ALK: variants seen among roughly 807,000 people sequenced by gnomAD.
The protein encoded by ALK is ALK tyrosine kinase receptor.
In ALK, 74 loss-of-function variants were observed where a neutral mutation model predicts 163.1. The observed-to-expected ratio is 0.45, with a 90% CI of 0.38 to 0.55. The LOEUF is 0.55. Among genes scored for constraint, ALK ranks in the 20% least tolerant of loss-of-function variants. ALK has a pLI of 0.00. For synonymous variants in ALK, 960 were observed against 843.2 expected (o/e 1.14, Z -2.40); for missense variants, 2,063 against 2,105.3 (o/e 0.98, Z 0.39).
chr2:29,311,806 G>C (rs1484748523), intron 8 of ALK, among the ~76,000 whole-genome samples: 2 of 152,260 alleles, frequency 1.3e-5, no homozygotes, highest in African/African-American at 4.8e-5. Context: ...GGATGGGGGC[G>C]ATGTGGGGGA....
intron 5 of ALK, among the ~76,000 whole-genome samples, chr2:29,336,038 A>C (rs184736925): frequency 3.3e-5 from 5 of 152,266 alleles, no homozygotes; most frequent in Admixed American, 2.6e-4. Context: ...GACTGTCTCA[A>C]AAAACAAACA....
At chr2:29,867,912 G>A (rs552758816) in intron 1 of ALK, among the ~76,000 whole-genome samples, 58 of 152,192 alleles carry the variant, frequency 3.8e-4, no homozygotes, top group Non-Finnish European at 7.1e-4. Flanking sequence ...GGGGATGGGA[G>A]GAGTGGGCAG....
intron 3 of ALK, among the ~76,000 whole-genome samples, chr2:29,659,608 C>G (rs1375043776): frequency 6.6e-6 from 1 of 152,102 alleles, no homozygotes; most frequent in Non-Finnish European, 1.5e-5. Context: ...AGGGCTGGGG[C>G]TGGACCAAAG....
intron 11 of ALK, among the ~76,000 whole-genome samples, chr2:29,272,691 G>GA (rs1665423747): frequency 1.3e-5 from 2 of 152,232 alleles, no homozygotes; most frequent in Non-Finnish European, 2.9e-5. Context: ...ACTTTGGAAA[G>GA]AAAAATCTTA....
chr2:29,800,547 C>G (rs181095693), intron 1 of ALK, among the ~76,000 whole-genome samples: 1 of 152,134 alleles, frequency 6.6e-6, no homozygotes, highest in East Asian at 1.9e-4. Context: ...CTCCTTACAA[C>G]CCCCTGCAGC....
At chr2:29,768,742 T>TGTGTGC (rs1680933877) in intron 1 of ALK, among the ~76,000 whole-genome samples, 1 of 140,622 alleles carries the variant, frequency 7.1e-6, no homozygotes, top group Admixed American at 7.4e-5. Context: ...TGTGTGTGTG[T>TGTGTGC]GTATATATGT....
At chr2:29,225,719 G>T (rs1663961574) in intron 18 of ALK, among the ~76,000 whole-genome samples, 154 bp from the exon 19 acceptor site, 1 of 152,182 alleles carries the variant, frequency 6.6e-6, no homozygotes, top group Non-Finnish European at 1.5e-5. Context: ...AGGGGACCAT[G>T]AGCAGGACCA....
intron 5 of ALK, among the ~76,000 whole-genome samples, chr2:29,346,165 C>G (rs1310245130): frequency 6.6e-6 from 1 of 152,208 alleles, no homozygotes; most frequent in Non-Finnish European, 1.5e-5. Context: ...CACCCTGTTT[C>G]TATTCCAATA....
chr2:29,366,808 G>A (rs372111712), intron 5 of ALK, among the ~76,000 whole-genome samples: 1 of 152,250 alleles, frequency 6.6e-6, no homozygotes, highest in African/African-American at 2.4e-5. Context: ...CCAAGTGTCA[G>A]AGTTTACTCT....
At chr2:29,827,481 T>C (rs1016202969) in intron 1 of ALK, among the ~76,000 whole-genome samples, 3 of 152,204 alleles carry the variant, frequency 2.0e-5, no homozygotes, top group Non-Finnish European at 4.4e-5. Context: ...ATTTTACATA[T>C]TAGAGATGCT....
intron 4 of ALK, among the ~76,000 whole-genome samples, chr2:29,508,615 G>A (rs1355116963): frequency 1.3e-5 from 2 of 150,628 alleles, no homozygotes; most frequent in Non-Finnish European, 2.9e-5. Flanking sequence ...GTTAATGGGT[G>A]CAGCACACCA....
chr2:29,375,524 G>C (rs1668733533), intron 5 of ALK, among the ~76,000 whole-genome samples: 1 of 151,972 alleles, frequency 6.6e-6, no homozygotes. Context: ...TCACCATGTT[G>C]GCCAGGATGG....
intron 23 of ALK, among the ~76,000 whole-genome samples, chr2:29,219,372 G>A (rs1351596542): frequency 6.6e-6 from 1 of 152,194 alleles, no homozygotes; most frequent in African/African-American, 2.4e-5. Context: ...CCTGACTGAA[G>A]GTGGAGATCA....
At chr2:29,530,021 G>T (rs1673076715) in intron 4 of ALK, among the ~76,000 whole-genome samples, 1 of 151,470 alleles carries the variant, frequency 6.6e-6, no homozygotes, top group South Asian at 2.1e-4. Flanking sequence ...AAGTCCCAGG[G>T]CTCATTTGTC....
intron 23 of ALK, among the ~76,000 whole-genome samples, chr2:29,216,662 GTT>G (rs1669616349): frequency 1.8e-5 from 2 of 109,528 alleles, no homozygotes; most frequent in African/African-American, 3.0e-5. Context: ...TGGTGTGTGT[GTT>G]TTGTGTATGT....
In ALK at chr2:29,744,328, G is replaced by A. The variant is rs188917952; in HGVS notation, c.668-26631C>T. Among the ~76,000 whole-genome samples the A allele has an allele frequency of 5.9e-5, 9 of 152,326 alleles. No homozygotes were observed. In the East Asian group the frequency reaches 1.7e-3, roughly 29 times the overall value. On this transcript the variant is annotated intron_variant, in intron 1 of 28. Coordinates refer to ENST00000389048, the MANE Select transcript of ALK (RefSeq NM_004304.5). Reference sequence around the variant, plus strand: ...GAGACACTATGGCAGGGGGTGGGTTGGAGAAAGACAAAGAAGTGTGCTATT... The same window carrying A: ...GAGACACTATGGCAGGGGGTGGGTTAGAGAAAGACAAAGAAGTGTGCTATT...
At chr2:29,242,171 G>A (rs541904580) in intron 12 of ALK, among the ~76,000 whole-genome samples, 202 of 152,306 alleles carry the variant, frequency 1.3e-3, no homozygotes, top group African/African-American at 4.7e-3. Context: ...CTGTAGTCTA[G>A]GGACAGCAGT....
At chr2:29,277,385 T>G (rs1665574827) in intron 9 of ALK, among the ~76,000 whole-genome samples, 1 of 152,230 alleles carries the variant, frequency 6.6e-6, no homozygotes, top group African/African-American at 2.4e-5. Context: ...AATTACTGTT[T>G]CCATGGAGCA....
At chr2:29,803,822 C>T (rs146814167) in intron 1 of ALK, among the ~76,000 whole-genome samples, 2 of 152,248 alleles carry the variant, frequency 1.3e-5, no homozygotes, top group East Asian at 3.9e-4. Context: ...GTGCGTCATG[C>T]CTCATAAAAG....
Sources: allele counts gnomAD v4.1 joint callset (sites outside exome capture counted in the v4.1 genomes callset), GRCh38; gene constraint gnomAD v4.1.1; transcripts MANE v1.5; gene names NCBI Gene and HGNC (gene_info 2026-07-23, HGNC 2026-07-21).